BAALC: variants seen among roughly 807,000 people sequenced by gnomAD.
BAALC encodes the protein brain and acute leukemia cytoplasmic protein.
BAALC carries 9 observed loss-of-function variants against 15.5 expected under a neutral mutation model. That is an observed-to-expected ratio of 0.58 (90% CI 0.35 to 1.02). The LOEUF (loss-of-function observed/expected upper bound fraction) is 1.02, where lower values mean the gene tolerates loss of function less well. Among genes scored for constraint, BAALC ranks in the 50% least tolerant of loss-of-function variants. BAALC has a pLI of 0.02. For missense variants in BAALC, 201 were observed against 192.4 expected (o/e 1.04, Z -0.27); for synonymous variants, 80 against 74.6 (o/e 1.07, Z -0.37).
intron 1 of BAALC, among the ~76,000 whole-genome samples, chr8:103,175,833 A>G (rs1262933720): frequency 1.3e-5 from 2 of 152,178 alleles, no homozygotes; most frequent in Admixed American, 1.3e-4. Context: ...TATTTATACC[A>G]CTAATTCTAC....
intron 1 of BAALC, among the ~76,000 whole-genome samples, chr8:103,169,313 G>C (rs145022158): frequency 6.6e-6 from 1 of 152,024 alleles, no homozygotes; most frequent in South Asian, 2.1e-4. Flanking sequence ...TTTTTTAGAC[G>C]CAATATCTTT....
intron 1 of BAALC, among the ~76,000 whole-genome samples, chr8:103,163,979 G>T (rs1430054814): frequency 6.6e-6 from 1 of 152,168 alleles, no homozygotes; most frequent in Non-Finnish European, 1.5e-5. Context: ...TAATGGTGAT[G>T]GGTAGAGAAA....
chr8:103,144,496 G>T (rs62527611), intron 1 of BAALC, among the ~76,000 whole-genome samples: 1 of 152,088 alleles, frequency 6.6e-6, no homozygotes, highest in Non-Finnish European at 1.5e-5. Context: ...AAATCAGTCT[G>T]CTGGATTGAT....
intron 2 of BAALC, among the ~76,000 whole-genome samples, chr8:103,213,828 T>A (rs529817829): frequency 6.6e-6 from 1 of 152,268 alleles, no homozygotes; most frequent in Admixed American, 6.5e-5. Flanking sequence ...CCATACCCAT[T>A]TTCTCCTATC....
chr8:103,181,754 A>C (rs2129975598), intron 1 of BAALC, among the ~76,000 whole-genome samples: 1 of 152,308 alleles, frequency 6.6e-6, no homozygotes, highest in Non-Finnish European at 1.5e-5. Flanking sequence ...TATTAAAACT[A>C]ATATTTATTA....
At chr8:103,183,284 T>A in intron 1 of BAALC, 1 of 696,254 alleles carries the variant, frequency 1.4e-6, no homozygotes, top group Non-Finnish European at 2.6e-6. Flanking sequence ...TGATGGGAAG[T>A]GGAGAAAAAC....
At chr8:103,144,976 G>A (rs1352342878) in intron 1 of BAALC, among the ~76,000 whole-genome samples, 1 of 152,172 alleles carries the variant, frequency 6.6e-6, no homozygotes, top group Non-Finnish European at 1.5e-5. Flanking sequence ...GAGGAAATGA[G>A]GCTGGAAGTC....
chr8:103,171,570 C>T (rs562636430), intron 1 of BAALC, among the ~76,000 whole-genome samples: 15 of 152,336 alleles, frequency 9.8e-5, no homozygotes, highest in African/African-American at 3.6e-4. Flanking sequence ...CTAGTCCCTC[C>T]ACACAGATTC....
chr8:103,222,848 G>A (rs897544271), intron 2 of BAALC, among the ~76,000 whole-genome samples: 2 of 152,140 alleles, frequency 1.3e-5, no homozygotes, highest in Non-Finnish European at 2.9e-5. Context: ...AGTAGTAGCA[G>A]TAGTCATCGT....
At chr8:103,176,952 G>A (rs1811620037) in intron 1 of BAALC, among the ~76,000 whole-genome samples, 1 of 152,134 alleles carries the variant, frequency 6.6e-6, no homozygotes, top group Non-Finnish European at 1.5e-5. Context: ...AGTTTGAGCT[G>A]GTGGGTACTT....
chr8:103,157,758 A>C (rs1811129664), intron 1 of BAALC, among the ~76,000 whole-genome samples: 1 of 152,140 alleles, frequency 6.6e-6, no homozygotes, highest in Non-Finnish European at 1.5e-5. Context: ...AGTGAGTTGA[A>C]ATTACACCAC....
In BAALC at chr8:103,211,779, G is replaced by A. The variant is rs575257063; in HGVS notation, c.161-1140G>A. On this transcript the variant is annotated intron_variant, in intron 1 of 2. Transcript: ENST00000309982. The stretch of plus-strand genomic sequence containing the variant: ...TTCTTAACCTGGGTTTTTCTTTCTC[G>A]CAGGTGTCTCCAGCTCCTGAGAGCA... Among the ~76,000 whole-genome samples the A allele has an allele frequency of 6.0e-4, 92 of 152,148 alleles. 3 individuals are homozygous for A. The South Asian group carries it at 0.015, about 24-fold the overall frequency.
chr8:103,193,685 G>A (rs1269776131), intron 1 of BAALC, among the ~76,000 whole-genome samples: 2 of 152,206 alleles, frequency 1.3e-5, no homozygotes, highest in Non-Finnish European at 2.9e-5. Context: ...CTGAGCCACT[G>A]TTTCCTAGTC....
At chr8:103,180,077 A>G (rs904230522) in intron 1 of BAALC, among the ~76,000 whole-genome samples, 5 of 152,222 alleles carry the variant, frequency 3.3e-5, no homozygotes, top group Non-Finnish European at 5.9e-5. Flanking sequence ...AATGATAAGC[A>G]GGGGGAGTGC....
chr8:103,151,615 G>A (rs1810990509), intron 1 of BAALC, among the ~76,000 whole-genome samples: 1 of 152,058 alleles, frequency 6.6e-6, no homozygotes, highest in African/African-American at 2.4e-5. Flanking sequence ...AGTCATGCAT[G>A]TTATGATTGC....
chr8:103,185,097 A>G (rs1424997913), intron 1 of BAALC, among the ~76,000 whole-genome samples: 1 of 151,972 alleles, frequency 6.6e-6, no homozygotes, highest in Non-Finnish European at 1.5e-5. Context: ...TTCTGTACGT[A>G]CCAGGCAGCT....
At chr8:103,220,906 G>A (rs373904500) in intron 2 of BAALC, among the ~76,000 whole-genome samples, 3 of 152,158 alleles carry the variant, frequency 2.0e-5, no homozygotes, top group East Asian at 3.8e-4. Context: ...TTTCTTTGTT[G>A]TCTGCAAAGA....
At position 103,155,924 on chromosome 8, in the gene BAALC, G is replaced by C. The variant is rs80228303; in HGVS notation, c.160+14867G>C. Among the ~76,000 whole-genome samples, 33 of 152,284 alleles carry C rather than the reference G, an allele frequency of 2.2e-4. 2 individuals are homozygous for C. In the East Asian group the frequency reaches 3.9e-3, roughly 18 times the overall value. The stretch of plus-strand genomic sequence containing the variant: ...GCTGGTCCAGAGGTCCTAGATCAGA[G>C]GTTAGCAAACTTTTTCTGTAAAGGG... On this transcript the variant is annotated intron_variant, in intron 1 of 2. Transcript: ENST00000309982.
intron 2 of BAALC, among the ~76,000 whole-genome samples, chr8:103,224,528 T>C (rs935699953): frequency 3.3e-5 from 5 of 152,086 alleles, no homozygotes; most frequent in Non-Finnish European, 5.9e-5. Context: ...AGAAAATAAA[T>C]GTTCAGGTTA....
Sources: gnomAD v4.1 joint callset for allele counts (sites outside exome capture counted in the v4.1 genomes callset) on GRCh38, gnomAD v4.1.1 for gene constraint, MANE v1.5 for transcripts, NCBI Gene and HGNC (gene_info 2026-07-23, HGNC 2026-07-21) for gene names.